PLLP: variants seen among roughly 807,000 people sequenced by gnomAD.
The protein encoded by PLLP is plasma membrane proteolipid (plasmolipin).
Under a neutral mutation model 19.7 loss-of-function variants are expected in PLLP, and 15 were observed. That is an observed-to-expected ratio of 0.76 (90% CI 0.51 to 1.17). The LOEUF is 1.17. PLLP is among the 50% of genes most tolerant of loss of function. The pLI is 0.00. For synonymous variants in PLLP, 111 were observed against 116.3 expected, an observed-to-expected ratio of 0.95 and a Z score of 0.29; for missense variants, 255 against 258.3, an observed-to-expected ratio of 0.99 and a Z score of 0.09.
intron 1 of PLLP, among the ~76,000 whole-genome samples, chr16:57,267,087 ACCCTGTTATTACAGTTTC>A (rs1318765998): frequency 6.6e-6 from 1 of 151,936 alleles, no homozygotes; most frequent in East Asian, 1.9e-4. Context: ...CTGCAGTGAA[ACCCTGTTATTACAGTTTC>A]CCCAGAAGCT....
intron 1 of PLLP, among the ~76,000 whole-genome samples, chr16:57,263,613 T>C (rs2075448419): frequency 1.3e-5 from 2 of 152,110 alleles, no homozygotes; most frequent in African/African-American, 4.8e-5. Flanking sequence ...ATGCAGACTG[T>C]CTCAGGGTGC....
At chr16:57,283,030 T>A (rs1269978961) in intron 1 of PLLP, among the ~76,000 whole-genome samples, 1 of 151,988 alleles carries the variant, frequency 6.6e-6, no homozygotes, top group Non-Finnish European at 1.5e-5. Flanking sequence ...GCTCTCCCCA[T>A]CTGCAGAATT....
chr16:57,256,963 C>T lies in PLLP; in HGVS notation c.499G>A (p.Gly167Arg), dbSNP rs1450819455. 1.2e-6 allele frequency: 2 copies of T among 1,614,064 alleles called. No homozygotes were observed. The change falls in exon 4 of 4, where the codon GGA becomes AGA. Residue 167 changes from glycine to arginine, a missense_variant. Physicochemically the swap from Gly to Arg is moderately radical, Grantham distance 125. Coordinates refer to ENST00000219207, the MANE Select transcript of PLLP (RefSeq NM_015993.3). ...SAFFSYQAWR[G>R]VGSNAATSQM... ...CTGGTGGCCGCATTGCTGCCTACTC[C>T]TCGCCAGGCCTGGTAGCTGAAGAAG...
chr16:57,259,853 G>A (rs567826765), intron 2 of PLLP, among the ~76,000 whole-genome samples: 4 of 151,296 alleles, frequency 2.6e-5, no homozygotes, highest in East Asian at 3.9e-4. Context: ...GGTGCCCACC[G>A]GTAATCCCAG....
chr16:57,263,750 A>G (rs1004265672), intron 1 of PLLP, among the ~76,000 whole-genome samples: 3 of 142,640 alleles, frequency 2.1e-5, no homozygotes, highest in Admixed American at 7.3e-5. Flanking sequence ...GCTGGTGGAG[A>G]TGCTCTGGAG....
At position 57,269,929 on chromosome 16, in the gene PLLP, C is replaced by T. The variant is rs530645389; in HGVS notation, c.136-7859G>A. Among the ~76,000 whole-genome samples the T allele has an allele frequency of 2.0e-3, 306 of 152,162 alleles. 1 individual carries two copies. The highest frequency in any genetic ancestry group is 7.1e-3 in the African/African-American group (293 of 41,518). ...TACAGGTGCGTGCCACCACCATGCC[C>T]GGCTAATTTTTGTATTTTTGGTATA... On this transcript the variant is annotated intron_variant, in intron 1 of 3. Transcript: ENST00000219207.
At chr16:57,278,338 T>G (rs570992096) in intron 1 of PLLP, among the ~76,000 whole-genome samples, 41 of 152,174 alleles carry the variant, frequency 2.7e-4, no homozygotes, top group African/African-American at 9.2e-4. Flanking sequence ...CAAGAAGAGC[T>G]CTCAGATGCA....
At chr16:57,263,886 A>G (rs1435249536) in intron 1 of PLLP, among the ~76,000 whole-genome samples, 7 of 152,300 alleles carry the variant, frequency 4.6e-5, no homozygotes, top group African/African-American at 1.7e-4. Context: ...TCCCCTGGTC[A>G]GCGCCCAGGT....
intron 1 of PLLP, among the ~76,000 whole-genome samples, chr16:57,283,649 A>G (rs1348632139): frequency 6.6e-6 from 1 of 152,102 alleles, no homozygotes; most frequent in Non-Finnish European, 1.5e-5. Context: ...GGATGTTCCC[A>G]TGGGTCCGCC....
intron 3 of PLLP, among the ~76,000 whole-genome samples, chr16:57,258,135 TCAGGAGAATCACTTAAACC>T (rs1456506118): frequency 2.0e-5 from 3 of 151,748 alleles, no homozygotes; most frequent in Admixed American, 1.3e-4. Context: ...GGAGGCTGAG[TCAGGAGAATCACTTAAACC>T]CAAGAGGCAG....
intron 1 of PLLP, among the ~76,000 whole-genome samples, chr16:57,267,738 GCATGGTGGCATGTGCCT>G (rs2075462002): frequency 6.6e-6 from 1 of 151,696 alleles, no homozygotes; most frequent in East Asian, 1.9e-4. Context: ...AATTAGCCAG[GCATGGTGGCATGTGCCT>G]GTAATCCCAG....
At chr16:57,262,275 G>C in intron 1 of PLLP, among the ~76,000 whole-genome samples, 1 of 152,094 alleles carries the variant, frequency 6.6e-6, no homozygotes, top group Non-Finnish European at 1.5e-5. Flanking sequence ...ATTAAGGCCG[G>C]GCGCAGTGGC....
At chr16:57,262,732 C>A (rs1291766435) in intron 1 of PLLP, among the ~76,000 whole-genome samples, 1 of 151,950 alleles carries the variant, frequency 6.6e-6, no homozygotes, top group Non-Finnish European at 1.5e-5. Context: ...GAAATTGTCT[C>A]AAAAAATAGA....
intron 2 of PLLP, among the ~76,000 whole-genome samples, chr16:57,260,039 C>A (rs1567528874): frequency 2.6e-5 from 4 of 151,800 alleles, no homozygotes; most frequent in Non-Finnish European, 4.4e-5. Context: ...TGCATTCCCA[C>A]TAGGAACAGA....
chr16:57,261,899 C>A lies in PLLP; in HGVS notation c.307G>T (p.Val103Leu), dbSNP rs1407988252. The change falls in exon 2 of 4, where the codon GTG becomes TTG. Residue 103 changes from valine to leucine, a missense_variant and splice_region_variant. By Grantham distance (32) the Val-to-Leu change is conservative (BLOSUM62 1). Transcript: ENST00000219207. ...CCAGTACCCCCACCCAGACTCACCA[C>A]CAGTGGCCAGGGAACCATGTACAAC... The part of the protein sequence containing the change: ...MKLYMVPWPL[V>L]LMIFNISATV... The A allele has an allele frequency of 2.5e-6, 4 of 1,613,784 alleles. No individual in the cohort carries two copies. Among genetic ancestry groups the A allele is most frequent in the Non-Finnish European group, 3.4e-6 (4 of 1,179,706 alleles).
intron 1 of PLLP, among the ~76,000 whole-genome samples, chr16:57,279,322 G>T (rs1382495959): frequency 6.6e-6 from 1 of 151,582 alleles, no homozygotes; most frequent in African/African-American, 2.4e-5. Context: ...CCACCCCATG[G>T]ATCATGGAGA....
At chr16:57,265,937 G>A (rs2075455682) in intron 1 of PLLP, among the ~76,000 whole-genome samples, 1 of 152,126 alleles carries the variant, frequency 6.6e-6, no homozygotes, top group South Asian at 2.1e-4. Flanking sequence ...TGAGGTGGAG[G>A]ATCAATGGAG....
intron 1 of PLLP, among the ~76,000 whole-genome samples, chr16:57,276,512 A>C (rs1164702205): frequency 3.3e-5 from 5 of 151,626 alleles, no homozygotes; most frequent in African/African-American, 1.2e-4. Flanking sequence ...GAATTGCTTG[A>C]ACCCAGGAGG....
chr16:57,276,763 C>T (rs182330807), intron 1 of PLLP, among the ~76,000 whole-genome samples: 1 of 152,180 alleles, frequency 6.6e-6, no homozygotes, highest in Admixed American at 6.5e-5. Flanking sequence ...AGGGTGTGAC[C>T]TCTCCGGAAG....
Sources: gnomAD v4.1 joint callset for allele counts (sites outside exome capture counted in the v4.1 genomes callset) on GRCh38, gnomAD v4.1.1 for gene constraint, MANE v1.5 for transcripts, NCBI Gene and HGNC (gene_info 2026-07-23, HGNC 2026-07-21) for gene names.